KCNIP4: variants seen among roughly 807,000 people sequenced by gnomAD.
KCNIP4 encodes the protein potassium voltage-gated channel interacting protein 4, also known as Kv channel-interacting protein 4.
A neutral mutation model predicts 34.0 loss-of-function variants in KCNIP4; 12 were observed. That is an observed-to-expected ratio of 0.35 (90% CI 0.23 to 0.57). KCNIP4 has a LOEUF of 0.57. KCNIP4 is among the 20% of genes least tolerant of loss of function. The pLI is 0.83. For missense variants in KCNIP4, 238 were observed against 311.7 expected, an observed-to-expected ratio of 0.76 and a Z score of 1.78; for synonymous variants, 124 against 102.2, an observed-to-expected ratio of 1.21 and a Z score of -1.29.
intron 1 of KCNIP4, among the ~76,000 whole-genome samples, chr4:20,911,886 AT>A (rs2149571441): frequency 6.6e-6 from 1 of 152,306 alleles, no homozygotes; most frequent in Non-Finnish European, 1.5e-5. Context: ...TTATAGAGGA[AT>A]TTTTGCCTTC....
At chr4:20,774,598 G>A (rs1756211067) in intron 3 of KCNIP4, among the ~76,000 whole-genome samples, 1 of 152,212 alleles carries the variant, frequency 6.6e-6, no homozygotes, top group African/African-American at 2.4e-5. Context: ...ACAAAGTTCT[G>A]TGTAAATAAC....
chr4:21,093,466 C>A (rs1292414990), intron 1 of KCNIP4, among the ~76,000 whole-genome samples: 2 of 152,052 alleles, frequency 1.3e-5, no homozygotes, highest in Non-Finnish European at 1.5e-5. Context: ...CCCAGGATGA[C>A]AAGAAGGAAA....
intron 1 of KCNIP4, among the ~76,000 whole-genome samples, chr4:21,104,201 G>A (rs976085607): frequency 6.6e-6 from 1 of 151,608 alleles, no homozygotes; most frequent in Non-Finnish European, 1.5e-5. Context: ...CTAGTTTACA[G>A]TCCCACCAAC....
chr4:20,814,803 G>A (rs1462004410), intron 3 of KCNIP4, among the ~76,000 whole-genome samples: 1 of 152,106 alleles, frequency 6.6e-6, no homozygotes, highest in Non-Finnish European at 1.5e-5. Context: ...AGAATTATAG[G>A]ACGACCTGGA....
At chr4:21,167,796 C>T (rs186462163) in intron 1 of KCNIP4, among the ~76,000 whole-genome samples, 1 of 152,300 alleles carries the variant, frequency 6.6e-6, no homozygotes, top group East Asian at 1.9e-4. Context: ...AGTACTTCTT[C>T]ACGATTAACA....
At chr4:20,857,598 T>A (rs778913553) in intron 2 of KCNIP4, among the ~76,000 whole-genome samples, 1 of 152,092 alleles carries the variant, frequency 6.6e-6, no homozygotes, top group Non-Finnish European at 1.5e-5. Flanking sequence ...TATATATGGG[T>A]TTCCATATAT....
intron 1 of KCNIP4, among the ~76,000 whole-genome samples, chr4:21,515,173 C>T (rs769725081): frequency 6.6e-6 from 1 of 152,136 alleles, no homozygotes; most frequent in Non-Finnish European, 1.5e-5. Flanking sequence ...TTCCATATGC[C>T]CCTCAACTAG....
rs144903446 is a variant in KCNIP4 at position 21,227,516 on chromosome 4, C to G, written c.62-344807G>C. On this transcript the variant is annotated intron_variant, in intron 1 of 8. Coordinates refer to ENST00000382152, the MANE Select transcript of KCNIP4 (RefSeq NM_025221.6). Reference sequence around the variant, plus strand: ...GAAGCATGCAAATGGTCTGCCTGCTCTAGCTCCACTTCATGGCTCTTCTCT... The same window carrying G: ...GAAGCATGCAAATGGTCTGCCTGCTGTAGCTCCACTTCATGGCTCTTCTCT... 1.1e-3 allele frequency among the ~76,000 whole-genome samples: 173 copies of G among 152,242 alleles called. 2 individuals carry two copies. Among genetic ancestry groups the G allele is most frequent in the East Asian group, 6.2e-3 (32 of 5,164 alleles).
chr4:21,687,012 G>A (rs11945760), intron 1 of KCNIP4, among the ~76,000 whole-genome samples: 3 of 143,986 alleles, frequency 2.1e-5, no homozygotes, highest in Admixed American at 7.3e-5. Context: ...AGTTCATGTC[G>A]TTTGTAGGGA....
intron 1 of KCNIP4, among the ~76,000 whole-genome samples, chr4:21,401,543 T>G (rs1029799128): frequency 2.0e-5 from 3 of 152,170 alleles, no homozygotes; most frequent in Non-Finnish European, 4.4e-5. Flanking sequence ...TGGGGTAAAT[T>G]GATATTTCCC....
chr4:21,120,348 G>A (rs1172963966), intron 1 of KCNIP4, among the ~76,000 whole-genome samples: 1 of 152,194 alleles, frequency 6.6e-6, no homozygotes, highest in African/African-American at 2.4e-5. Flanking sequence ...TGCCAGTAGA[G>A]TGTTTTCTTC....
At chr4:21,697,273 C>G in intron 1 of KCNIP4, 1 of 1,356,862 alleles carries the variant, frequency 7.4e-7, no homozygotes, top group African/African-American at 1.6e-5. Flanking sequence ...ATAGCCTTTC[C>G]TATTCCATTT....
intron 1 of KCNIP4, among the ~76,000 whole-genome samples, chr4:21,143,004 A>T (rs957376483): frequency 6.6e-6 from 1 of 152,142 alleles, no homozygotes; most frequent in Non-Finnish European, 1.5e-5. Context: ...CAAGAAAAAA[A>T]AATTATAAAA....
chr4:21,911,651 C>G lies in KCNIP4; in HGVS notation c.61+36920G>C, dbSNP rs1238121761. 3.8e-3 allele frequency among the ~76,000 whole-genome samples: 418 copies of G among 108,822 alleles called. 5 individuals are homozygous for G. The highest frequency in any genetic ancestry group is 0.016 in the East Asian group (44 of 2,804). 71.4% of individuals were successfully genotyped at this position (108,822 alleles called of 152,430 possible). ...ACACACACACACACACACACACACA[C>G]ACACAGAGTCTGGTATTGGTGATGT... On this transcript the variant is annotated intron_variant, in intron 1 of 8. Coordinates refer to ENST00000382152, the MANE Select transcript of KCNIP4 (RefSeq NM_025221.6).
intron 1 of KCNIP4, among the ~76,000 whole-genome samples, chr4:21,605,535 C>A (rs2109131547): frequency 6.6e-6 from 1 of 152,200 alleles, no homozygotes; most frequent in South Asian, 2.1e-4. Flanking sequence ...GGCTGGAGTG[C>A]AGTGGCGTGA....
At chr4:21,054,682 C>T (rs2108956402) in intron 1 of KCNIP4, among the ~76,000 whole-genome samples, 1 of 137,246 alleles carries the variant, frequency 7.3e-6, no homozygotes, top group Non-Finnish European at 1.5e-5. Context: ...GGGTGCCAGA[C>T]TCAACAAACC....
At chr4:21,684,902 C>T (rs1750691450) in intron 1 of KCNIP4, among the ~76,000 whole-genome samples, 1 of 151,676 alleles carries the variant, frequency 6.6e-6, no homozygotes, top group Non-Finnish European at 1.5e-5. Context: ...GGGAATTGAA[C>T]AATAAAAACA....
intron 1 of KCNIP4, among the ~76,000 whole-genome samples, chr4:21,325,367 G>T (rs1372799598): frequency 2.6e-5 from 4 of 151,498 alleles, no homozygotes; most frequent in Non-Finnish European, 4.4e-5. Flanking sequence ...CTTATTTTAG[G>T]TTTTCCAATT....
At chr4:21,046,733 A>G (rs1034264228) in intron 1 of KCNIP4, among the ~76,000 whole-genome samples, 11 of 152,106 alleles carry the variant, frequency 7.2e-5, no homozygotes, top group African/African-American at 2.7e-4. Context: ...CTGGGATTAC[A>G]GGCACGCGCA....
Sources: gnomAD v4.1 joint callset for allele counts (sites outside exome capture counted in the v4.1 genomes callset) on GRCh38, gnomAD v4.1.1 for gene constraint, MANE v1.5 for transcripts, NCBI Gene and HGNC (gene_info 2026-07-23, HGNC 2026-07-21) for gene names.